GRIK4: variants seen among roughly 807,000 people sequenced by gnomAD.
The protein encoded by GRIK4 is glutamate ionotropic receptor kainate type subunit 4.
In GRIK4, 40 loss-of-function variants were observed where a neutral mutation model predicts 104.9. The ratio of observed to expected loss-of-function variants is 0.38; its 90% confidence interval spans 0.30 to 0.50. GRIK4 has a LOEUF of 0.50. Among genes scored for constraint, GRIK4 ranks in the 20% least tolerant of loss-of-function variants. GRIK4 has a pLI of 0.93. For synonymous variants in GRIK4, 485 were observed against 524.9 expected (o/e 0.92, Z 1.04); for missense variants, 1,047 against 1,308.1 (o/e 0.80, Z 3.08).
At chr11:120,668,240 T>C (rs1243968042) in intron 3 of GRIK4, among the ~76,000 whole-genome samples, 2 of 136,294 alleles carry the variant, frequency 1.5e-5, no homozygotes, top group Admixed American at 7.9e-5. Context: ...GACAGAGAGA[T>C]AGGTAGGCAG....
chr11:120,677,900 T>C (rs1824069052), intron 3 of GRIK4, among the ~76,000 whole-genome samples: 1 of 152,220 alleles, frequency 6.6e-6, no homozygotes, highest in South Asian at 2.1e-4. Context: ...TTCCATAAGT[T>C]ATATGATTAA....
rs2136090253 is a variant in GRIK4, at chr11:120,544,312, A to C, written c.-159+32425A>C. 3.3e-5 allele frequency among the ~76,000 whole-genome samples: 5 copies of C among 152,196 alleles called. No individual in the cohort carries two copies. The Middle Eastern group carries it at 0.017, about 518-fold the overall frequency. ...TTACATGTCAATCATACCTTAACAA[A>C]GTGGTTAAATAATACTATTTTTATA... On this transcript the variant is annotated intron_variant, in intron 1 of 20. Transcript: ENST00000527524.
intron 3 of GRIK4, among the ~76,000 whole-genome samples, chr11:120,717,998 C>T (rs948166065): frequency 6.6e-5 from 10 of 152,252 alleles, no homozygotes; most frequent in Admixed American, 2.0e-4. Flanking sequence ...GAAAAGATTC[C>T]GAAAAGAATT....
intron 3 of GRIK4, among the ~76,000 whole-genome samples, chr11:120,714,453 A>G (rs1206904411): frequency 6.6e-6 from 1 of 152,230 alleles, no homozygotes; most frequent in Non-Finnish European, 1.5e-5. Flanking sequence ...GCACTGAGCC[A>G]TGTGCTATGA....
intron 6 of GRIK4, among the ~76,000 whole-genome samples, chr11:120,830,637 G>A (rs76200019): frequency 0.051 from 7,773 of 152,136 alleles, 215 homozygotes; most frequent in Middle Eastern, 0.092. Context: ...CCAGTTGCTC[G>A]TCCTTCCTAC....
chr11:120,516,665 AG>A (rs1376254195), intron 1 of GRIK4, among the ~76,000 whole-genome samples: 7 of 152,044 alleles, frequency 4.6e-5, no homozygotes, highest in Non-Finnish European at 7.4e-5. Flanking sequence ...GTGAGGCGAA[AG>A]GGGGGTAAGC....
At chr11:120,774,423 G>C (rs1302844758) in intron 3 of GRIK4, among the ~76,000 whole-genome samples, 1 of 152,204 alleles carries the variant, frequency 6.6e-6, no homozygotes, top group African/African-American at 2.4e-5. Flanking sequence ...AGTTCAATCT[G>C]CAGGGCAGGC....
intron 3 of GRIK4, among the ~76,000 whole-genome samples, chr11:120,708,763 C>T (rs1167246111): frequency 6.6e-6 from 1 of 152,216 alleles, no homozygotes; most frequent in African/African-American, 2.4e-5. Context: ...TCAGGCTGCA[C>T]CAGCTGAAGT....
chr11:120,786,559 T>TCAAAAAAACAAAAACAGAAACAAAACA (rs1952280692), intron 3 of GRIK4, among the ~76,000 whole-genome samples: 1 of 152,172 alleles, frequency 6.6e-6, no homozygotes, highest in African/African-American at 2.4e-5. Flanking sequence ...CCTCCTACTC[T>TCAAAAAAACAAAAACAGAAACAAAACA]TAGTTGTGAC....
At chr11:120,525,320 G>A (rs901748317) in intron 1 of GRIK4, among the ~76,000 whole-genome samples, 1 of 152,266 alleles carries the variant, frequency 6.6e-6, no homozygotes, top group East Asian at 1.9e-4. Context: ...TTTGAAATGG[G>A]GTCCCCTGGC....
rs372551038 is a variant in GRIK4, at chr11:120,951,514, T to C, written c.1591-1341T>C. 4.6e-5 allele frequency among the ~76,000 whole-genome samples: 7 copies of C among 152,356 alleles called. 1 individual carries two copies. The highest frequency in any genetic ancestry group is 1.7e-4 in the African/African-American group (7 of 41,584). On this transcript the variant is annotated intron_variant, in intron 14 of 20. Transcript: ENST00000527524. ...TGACAGTAGGTTGCGCCATGACTGA[T>C]ACAATTTTGAGCTTAAACGCTTACC...
intron 11 of GRIK4, among the ~76,000 whole-genome samples, chr11:120,886,687 G>T (rs1015168973): frequency 2.5e-4 from 38 of 152,222 alleles, no homozygotes; most frequent in Non-Finnish European, 1.5e-5. Flanking sequence ...GGAATCACCT[G>T]TAGTGAGTTT....
intron 1 of GRIK4, among the ~76,000 whole-genome samples, chr11:120,517,931 A>G (rs758727394): frequency 3.7e-4 from 57 of 152,298 alleles, no homozygotes; most frequent in South Asian, 2.3e-3. Context: ...TAAGTTGTGT[A>G]AGTGAGAGGC....
At chr11:120,957,985 C>G (rs1331150384) in intron 16 of GRIK4, among the ~76,000 whole-genome samples, 1 of 152,204 alleles carries the variant, frequency 6.6e-6, no homozygotes, top group Admixed American at 6.5e-5. Flanking sequence ...GGAGAAGTCA[C>G]TGAATGGATC....
chr11:120,965,133 A>C (rs1203442787), intron 18 of GRIK4, among the ~76,000 whole-genome samples: 2 of 152,242 alleles, frequency 1.3e-5, no homozygotes, highest in Non-Finnish European at 2.9e-5. Flanking sequence ...TGGAATAAGC[A>C]ATGTGGTTAG....
At chr11:120,844,475 T>C (rs1953802197) in intron 8 of GRIK4, among the ~76,000 whole-genome samples, 1 of 152,174 alleles carries the variant, frequency 6.6e-6, no homozygotes, top group South Asian at 2.1e-4. Flanking sequence ...GCCTCCTACA[T>C]AGTAGGCACT....
intron 13 of GRIK4, among the ~76,000 whole-genome samples, chr11:120,934,376 G>A (rs1360338496): frequency 6.6e-6 from 1 of 152,086 alleles, no homozygotes; most frequent in African/African-American, 2.4e-5. Context: ...ATTGCCGTTA[G>A]ACCACTCCTC....
Position 120,967,675 on chromosome 11 carries a change from A to C in GRIK4, c.2395+352A>C, listed in dbSNP as rs758408251. Among the ~76,000 whole-genome samples the C allele has an allele frequency of 5.3e-5, 8 of 152,194 alleles. No homozygotes were observed. The highest frequency in any genetic ancestry group is 1.2e-4 in the Non-Finnish European group (8 of 68,040). ...CAGTTTCCCATTCTTGCGTCTCTAC[A>C]GTATATTCTCCGCTACTAGCCAGAG... On this transcript the variant is annotated intron_variant, in intron 19 of 20. Coordinates refer to ENST00000527524, the MANE Select transcript of GRIK4 (RefSeq NM_014619.5). This position sits in a 1 kb window ranked among gnomAD's most constrained non-coding sequence, Gnocchi z 4.2.
At chr11:120,734,287 T>C (rs1353587886) in intron 3 of GRIK4, among the ~76,000 whole-genome samples, 1 of 152,226 alleles carries the variant, frequency 6.6e-6, no homozygotes, top group Non-Finnish European at 1.5e-5. Flanking sequence ...TCCTTTATGC[T>C]TGAAGGATAT....
Sources: allele counts gnomAD v4.1 joint callset (sites outside exome capture counted in the v4.1 genomes callset), GRCh38; gene constraint gnomAD v4.1.1; non-coding constraint Gnocchi (gnomAD v3.1); transcripts MANE v1.5; gene names NCBI Gene and HGNC (gene_info 2026-07-23, HGNC 2026-07-21).